Variants in SCHIP1 observed in about 807,000 individuals in gnomAD.
SCHIP1 encodes schwannomin interacting protein 1.
SCHIP1 carries 8 observed loss-of-function variants against 29.7 expected under a neutral mutation model. That is an observed-to-expected ratio of 0.27 (90% CI 0.16 to 0.49). The LOEUF (loss-of-function observed/expected upper bound fraction) is 0.49, where lower values mean the gene tolerates loss of function less well. Ranked by LOEUF, SCHIP1 falls within the 20% of genes least tolerant of loss-of-function variation. The pLI is 0.99. For missense variants in SCHIP1, 193 were observed against 294.6 expected, an observed-to-expected ratio of 0.66 and a Z score of 2.52; for synonymous variants, 76 against 94.9, an observed-to-expected ratio of 0.80 and a Z score of 1.16.
upstream of SCHIP1, among the ~76,000 whole-genome samples, chr3:159,835,446 C>T (rs1211261507): frequency 6.6e-6 from 1 of 152,176 alleles, no homozygotes; most frequent in African/African-American, 2.4e-5. Flanking sequence ...TTAGATTCAA[C>T]AACTGATATT....
the SCHIP1 span, among the ~76,000 whole-genome samples, chr3:159,595,809 T>C: frequency 6.6e-6 from 1 of 152,168 alleles, no homozygotes; most frequent in African/African-American, 2.4e-5. Flanking sequence ...TGAACTCATC[T>C]GTCCTCAGAA....
chr3:159,508,349 T>A, the SCHIP1 span, among the ~76,000 whole-genome samples: 12 of 152,328 alleles, frequency 7.9e-5, no homozygotes, highest in East Asian at 2.3e-3. Flanking sequence ...TATTTGATTC[T>A]TCTCTCTTTT....
At chr3:159,509,143 T>C in the SCHIP1 span, among the ~76,000 whole-genome samples, 5 of 152,236 alleles carry the variant, frequency 3.3e-5, no homozygotes, top group Non-Finnish European at 7.3e-5. Flanking sequence ...TTTATGAACC[T>C]TGGTGCTCCT....
At chr3:159,302,815 C>T in the SCHIP1 span, among the ~76,000 whole-genome samples, 1,099 of 152,274 alleles carry the variant, frequency 7.2e-3, 8 homozygotes, top group African/African-American at 0.025. Context: ...TGAAAAATCT[C>T]ATGTCCTGGG....
the SCHIP1 span, among the ~76,000 whole-genome samples, chr3:159,795,494 AG>A: frequency 6.6e-6 from 1 of 152,262 alleles, no homozygotes; most frequent in Non-Finnish European, 1.5e-5. Flanking sequence ...ACAGATGCTA[AG>A]TAACTTGCCC....
At chr3:159,828,601 C>T in the SCHIP1 span, among the ~76,000 whole-genome samples, 6 of 150,894 alleles carry the variant, frequency 4.0e-5, no homozygotes, top group Admixed American at 3.3e-4. Context: ...ATAATACTAT[C>T]CCAAACAGAT....
chr3:159,695,078 G>GGT, the SCHIP1 span, among the ~76,000 whole-genome samples: 1 of 152,118 alleles, frequency 6.6e-6, no homozygotes, highest in Non-Finnish European at 1.5e-5. Flanking sequence ...CTGTATATTT[G>GGT]GTGTTCATTT....
chr3:159,772,347 T>C, the SCHIP1 span, among the ~76,000 whole-genome samples: 3 of 152,328 alleles, frequency 2.0e-5, no homozygotes, highest in East Asian at 3.9e-4. Context: ...TTTCTCCATG[T>C]TGGCCAGACT....
the SCHIP1 span, among the ~76,000 whole-genome samples, chr3:159,426,940 A>T: frequency 6.6e-6 from 1 of 152,226 alleles, no homozygotes; most frequent in Non-Finnish European, 1.5e-5. Context: ...AAACCACATG[A>T]TTATCTCAAT....
chr3:159,829,531 A>G, the SCHIP1 span, among the ~76,000 whole-genome samples: 1 of 152,212 alleles, frequency 6.6e-6, no homozygotes, highest in African/African-American at 2.4e-5. Flanking sequence ...TTCAGCCCAA[A>G]CTGTAATGAT....
chr3:159,313,685 C>T, the SCHIP1 span, among the ~76,000 whole-genome samples: 1 of 152,094 alleles, frequency 6.6e-6, no homozygotes, highest in African/African-American at 2.4e-5. Flanking sequence ...ACTGACCAAA[C>T]CACAGACTTC....
chr3:159,316,776 C>T, the SCHIP1 span, among the ~76,000 whole-genome samples: 4 of 152,138 alleles, frequency 2.6e-5, no homozygotes, highest in East Asian at 5.8e-4. Flanking sequence ...TATATGAAGT[C>T]AATAAATCTT....
the SCHIP1 span, among the ~76,000 whole-genome samples, chr3:159,691,191 T>A: frequency 1.3e-5 from 2 of 152,162 alleles, no homozygotes; most frequent in South Asian, 2.1e-4. Flanking sequence ...AGTGGAGTGT[T>A]AAAGTCTCCC....
At chr3:159,681,949 T>C in the SCHIP1 span, among the ~76,000 whole-genome samples, 667 of 150,980 alleles carry the variant, frequency 4.4e-3, 28 homozygotes, top group African/African-American at 0.015. Flanking sequence ...GTTAACTCAA[T>C]GTTAACTTAG....
At chr3:159,563,497 A>G in the SCHIP1 span, among the ~76,000 whole-genome samples, 1 of 152,122 alleles carries the variant, frequency 6.6e-6, no homozygotes, top group South Asian at 2.1e-4. Flanking sequence ...AATACAGGTA[A>G]TATATGCTAC....
At chr3:159,715,797 G>GGAA in the SCHIP1 span, among the ~76,000 whole-genome samples, 2 of 152,164 alleles carry the variant, frequency 1.3e-5, no homozygotes, top group African/African-American at 2.4e-5. Flanking sequence ...AAAGTGATGG[G>GGAA]GAGAATGGAA....
At chr3:159,412,325 A>G in the SCHIP1 span, among the ~76,000 whole-genome samples, 1 of 152,196 alleles carries the variant, frequency 6.6e-6, no homozygotes, top group South Asian at 2.1e-4. Context: ...ATTATTATCA[A>G]ACTTAGATCC....
chr3:159,292,903 T>C, the SCHIP1 span, among the ~76,000 whole-genome samples: 1 of 152,178 alleles, frequency 6.6e-6, no homozygotes, highest in African/African-American at 2.4e-5. Flanking sequence ...GCACTAGTCT[T>C]TCTTGGGCTG....
chr3:159,724,544 T>C, the SCHIP1 span, among the ~76,000 whole-genome samples: 1 of 152,226 alleles, frequency 6.6e-6, no homozygotes. Flanking sequence ...GTTCATAAAA[T>C]TGACTGCCTG....
Sources: allele counts gnomAD v4.1 joint callset (sites outside exome capture counted in the v4.1 genomes callset), GRCh38; gene constraint gnomAD v4.1.1; transcripts MANE v1.5; gene names NCBI Gene and HGNC (gene_info 2026-07-23, HGNC 2026-07-21).